The following HAO2 variants were observed in gnomAD, a reference collection of about 807,000 sequenced individuals.
The protein encoded by HAO2 is hydroxyacid oxidase 2.
Under a neutral mutation model 37.4 loss-of-function variants are expected in HAO2, and 42 were observed. The ratio of observed to expected loss-of-function variants is 1.12; its 90% CI spans 0.88 to 1.45. HAO2 has a LOEUF of 1.45. Among genes scored for constraint, HAO2 ranks in the 40% most tolerant of loss-of-function variants. The pLI is 0.00. For synonymous variants in HAO2, 180 were observed against 162.8 expected, an observed-to-expected ratio of 1.11 and a Z score of -0.81; for missense variants, 476 against 430.2, an observed-to-expected ratio of 1.11 and a Z score of -0.94.
At chr1:119,391,382 C>G (rs1237301159) in intron 5 of HAO2, among the ~76,000 whole-genome samples, 3 of 152,160 alleles carry the variant, frequency 2.0e-5, no homozygotes, top group Non-Finnish European at 2.9e-5. Context: ...AAGCATAGAT[C>G]GGCCTGGGGC....
intron 2 of HAO2, 107 bp from the exon 3 acceptor site, chr1:119,382,808 T>C: frequency 2.0e-6 from 2 of 1,023,382 alleles, no homozygotes; most frequent in Non-Finnish European, 2.9e-6. Context: ...CACAGGACCC[T>C]GTCTGGTTTA....
chr1:119,381,083 G>T lies in HAO2; in HGVS notation c.-3G>T. ...TTTTGTTTTCTCCTTGGAAGGTCCAGAAATGTCCTTGGTGTGTTTGACAGA... is the reference window on the plus strand; with the variant it reads ...TTTTGTTTTCTCCTTGGAAGGTCCATAAATGTCCTTGGTGTGTTTGACAGA... On this transcript the variant is annotated 5_prime_UTR_variant, in exon 2 of 8. Coordinates refer to ENST00000325945, the MANE Select transcript of HAO2 (RefSeq NM_016527.4). 6.2e-7 allele frequency: 1 copy of T among 1,613,548 alleles called. No individual in the cohort carries two copies. Among genetic ancestry groups the T allele is most frequent in the Admixed American group, 1.7e-5 (1 of 60,030 alleles).
chr1:119,369,370 A>G (rs908848580), intron 1 of HAO2, among the ~76,000 whole-genome samples: 1 of 152,348 alleles, frequency 6.6e-6, no homozygotes, highest in Middle Eastern at 3.4e-3. Context: ...TTGAGCAATA[A>G]GCTTATTTGG....
intron 5 of HAO2, 43 bp downstream of exon 5, chr1:119,386,874 G>A: frequency 8.6e-7 from 1 of 1,160,646 alleles, no homozygotes; most frequent in African/African-American, 1.5e-5. Flanking sequence ...TGTGAGTGCT[G>A]TGTGTGTATG....
chr1:119,372,908 T>C (rs587713334), intron 1 of HAO2, among the ~76,000 whole-genome samples: 1 of 152,338 alleles, frequency 6.6e-6, no homozygotes, highest in East Asian at 1.9e-4. Flanking sequence ...GCTCCCTGTG[T>C]TTATGGGCAA....
rs747923599 is a variant in HAO2 at position 119,385,093 on chromosome 1, A to G, written c.561+40A>G. 5 of 1,585,230 alleles carry G rather than the reference A, an allele frequency of 3.2e-6. No homozygotes were observed. The South Asian group carries it at 3.4e-5, about 11-fold the overall frequency. Reference sequence around the variant, plus strand: ...AAATTCGATGGACAGGCATTACAAGAGGCAAATTTCCTTCCCTCTTTTCTC... The same window carrying G: ...AAATTCGATGGACAGGCATTACAAGGGGCAAATTTCCTTCCCTCTTTTCTC... On this transcript the variant is annotated intron_variant, in intron 4 of 7. Coordinates refer to ENST00000325945, the MANE Select transcript of HAO2 (RefSeq NM_016527.4).
chr1:119,380,875 T>C (rs587719773), intron 1 of HAO2, among the ~76,000 whole-genome samples: 2 of 152,276 alleles, frequency 1.3e-5, no homozygotes, highest in South Asian at 2.1e-4. Flanking sequence ...GGAATGGGAA[T>C]GGGAGAATGG....
At position 119,384,872 on chromosome 1, in the gene HAO2, T is replaced by C. The variant is rs775166382; in HGVS notation, c.380T>C (p.Phe127Ser). Residue 127 changes from phenylalanine (F) to serine (S), a missense_variant, in exon 4 of 8, where the codon TTC (phenylalanine) becomes TCC (serine). By Grantham distance (155) the Phe-to-Ser change is radical (BLOSUM62 -2). Coordinates refer to ENST00000325945, the MANE Select transcript of HAO2 (RefSeq NM_016527.4). ...VIAAPEGLRW[F>S]QLYVHPDLQL... The stretch of plus-strand genomic sequence containing the variant: ...GCAGCTCCCGAAGGCCTCCGATGGT[T>C]CCAACTCTATGTGCATCCAGACCTG... The C allele has an allele frequency of 6.2e-7, 1 of 1,613,916 alleles. No homozygotes were observed. The highest frequency in any genetic ancestry group is 8.5e-7 in the Non-Finnish European group (1 of 1,179,786).
intron 3 of HAO2, among the ~76,000 whole-genome samples, chr1:119,383,784 G>T (rs1295518740): frequency 2.0e-5 from 3 of 152,090 alleles, no homozygotes; most frequent in Admixed American, 6.6e-5. Flanking sequence ...GCGCTTCCCT[G>T]AGGTCTTTTC....
Position 119,393,946 on chromosome 1 carries a change from G to A in HAO2, c.*106G>A, listed in dbSNP as rs1651127357. The A allele has an allele frequency of 6.3e-7, 1 of 1,579,292 alleles. No individual in the cohort carries two copies. Among genetic ancestry groups the A allele is most frequent in the East Asian group, 2.3e-5 (1 of 43,644 alleles). ...TTCCTGGACCCCATTCTGTCCGGAG[G>A]CTCATGGCCCATATTTCCCACATTT... On this transcript the variant is annotated 3_prime_UTR_variant, in exon 8 of 8. Coordinates refer to ENST00000325945, the MANE Select transcript of HAO2 (RefSeq NM_016527.4).
chr1:119,377,895 C>T (rs1181761689), intron 1 of HAO2, among the ~76,000 whole-genome samples: 2 of 152,086 alleles, frequency 1.3e-5, no homozygotes, highest in Non-Finnish European at 2.9e-5. Flanking sequence ...GGTGAAACCC[C>T]GTTTCTACTA....
At chr1:119,383,138 A>G in intron 3 of HAO2, 72 bp downstream of exon 3, 1 of 1,132,456 alleles carries the variant, frequency 8.8e-7, no homozygotes, top group South Asian at 1.4e-5. Flanking sequence ...AGAGGCTCCA[A>G]GATTCTCTCT....
intron 1 of HAO2, among the ~76,000 whole-genome samples, chr1:119,372,472 T>A (rs191281429): frequency 5.9e-5 from 9 of 152,148 alleles, no homozygotes; most frequent in African/African-American, 2.2e-4. Context: ...AAAAAGGAAA[T>A]GAGATGGGAG....
intron 1 of HAO2, among the ~76,000 whole-genome samples, chr1:119,379,640 C>T (rs1334479677): frequency 6.6e-6 from 1 of 152,168 alleles, no homozygotes; most frequent in African/African-American, 2.4e-5. Context: ...AATGTTCTCT[C>T]CTCACTCACT....
At chr1:119,392,849 C>A (rs1300898536) in intron 7 of HAO2, among the ~76,000 whole-genome samples, 162 bp downstream of exon 7, 1 of 152,110 alleles carries the variant, frequency 6.6e-6, no homozygotes, top group Non-Finnish European at 1.5e-5. Context: ...CTATTCTCTG[C>A]ACAGTGGAAA....
At position 119,394,020 on chromosome 1, in the gene HAO2, C is replaced by G; in HGVS notation, c.*180C>G. 4 of 1,419,836 alleles carry G rather than the reference C, an allele frequency of 2.8e-6. No homozygotes were observed. The highest frequency in any genetic ancestry group is 3.7e-6 in the Non-Finnish European group (4 of 1,081,868). 88.0% of individuals were successfully genotyped at this position (1,419,836 alleles called of 1,614,324 possible). A position where few individuals can be genotyped will look rare whatever the true frequency, so the allele number is the denominator to read the frequency against. The stretch of plus-strand genomic sequence containing the variant: ...CAGGCCCTCCAAACCCCTGTGTTCC[C>G]CAAATGTTCCATGCCCTTCTTTGTA... On this transcript the variant is annotated 3_prime_UTR_variant, in exon 8 of 8. Transcript: ENST00000325945.
At chr1:119,389,168 ACACCACAGTTTCTT>A (rs1650662382) in intron 5 of HAO2, among the ~76,000 whole-genome samples, 1 of 98,410 alleles carries the variant, frequency 1.0e-5, no homozygotes, top group African/African-American at 3.8e-5. Flanking sequence ...ATATATATAT[ACACCACAGTTTCTT>A]TATCCACTCA....
intron 5 of HAO2, among the ~76,000 whole-genome samples, chr1:119,388,913 A>T (rs1650599493): frequency 6.6e-6 from 1 of 150,840 alleles, no homozygotes. Flanking sequence ...GTAGTCTTTT[A>T]TTCCCACCCC....
intron 1 of HAO2, among the ~76,000 whole-genome samples, chr1:119,377,462 G>C (rs1199787420): frequency 6.6e-6 from 1 of 152,114 alleles, no homozygotes; most frequent in African/African-American, 2.4e-5. Flanking sequence ...ACATCTTCCT[G>C]TCTTCTTCTA....
Sources: allele counts gnomAD v4.1 joint callset (sites outside exome capture counted in the v4.1 genomes callset), GRCh38; gene constraint gnomAD v4.1.1; transcripts MANE v1.5; gene names NCBI Gene and HGNC (gene_info 2026-07-23, HGNC 2026-07-21).